The following MCF2L2 variants were observed in gnomAD, a reference collection of about 807,000 sequenced individuals.
MCF2L2 encodes the protein MCF.2 cell line derived transforming sequence-like 2.
MCF2L2 carries 102 observed loss-of-function variants against 150.2 expected under a neutral mutation model. That is an observed-to-expected ratio of 0.68 (90% CI 0.58 to 0.80). The LOEUF is 0.80. MCF2L2 is among the 30% of genes least tolerant of loss of function. The pLI is 0.00. For synonymous variants in MCF2L2, 465 were observed against 491.3 expected (o/e 0.95, Z 0.71); for missense variants, 1,256 against 1,372.8 (o/e 0.91, Z 1.34).
intron 22 of MCF2L2, among the ~76,000 whole-genome samples, chr3:183,214,973 C>T (rs193269999): frequency 4.7e-4 from 72 of 151,960 alleles, no homozygotes; most frequent in South Asian, 8.3e-4. Flanking sequence ...CCAGCCTGGG[C>T]GACAGAGCAA....
intron 5 of MCF2L2, among the ~76,000 whole-genome samples, chr3:183,326,511 AAAAAAC>A (rs1387454828): frequency 0.029 from 3,922 of 133,448 alleles, 217 homozygotes; most frequent in East Asian, 0.072. Context: ...AAAAAAAAAA[AAAAAAC>A]AAAAAAAAAC....
intron 2 of MCF2L2, among the ~76,000 whole-genome samples, chr3:183,381,027 G>GA (rs965576267): frequency 6.6e-6 from 1 of 152,110 alleles, no homozygotes; most frequent in Non-Finnish European, 1.5e-5. Context: ...GGGGGGCCAT[G>GA]AAAAAAAGAC....
At chr3:183,253,837 C>A (rs1440987178) in intron 15 of MCF2L2, 1 of 152,276 alleles carries the variant, frequency 6.6e-6, no homozygotes, top group Non-Finnish European at 1.5e-5. Flanking sequence ...TGGTCAGTTA[C>A]GTGGTGAAAA....
Position 183,380,031 on chromosome 3 carries a change from A to C in MCF2L2, c.161-620T>G, listed in dbSNP as rs549993535. Among the ~76,000 whole-genome samples the C allele has an allele frequency of 4.6e-5, 7 of 152,336 alleles. 2 individuals carry two copies. Among genetic ancestry groups the C allele is most frequent in the African/African-American group, 1.7e-4 (7 of 41,582 alleles). On this transcript the variant is annotated intron_variant, in intron 2 of 29. Coordinates refer to ENST00000328913, the MANE Select transcript of MCF2L2 (RefSeq NM_015078.4). ...CTTATTATATAAAACTGCTCAAAAAATGGTGACCATGATTATAATTATTAT... is the reference window on the plus strand; with the variant it reads ...CTTATTATATAAAACTGCTCAAAAACTGGTGACCATGATTATAATTATTAT...
intron 5 of MCF2L2, among the ~76,000 whole-genome samples, chr3:183,336,680 C>T (rs986728142): frequency 1.3e-5 from 2 of 150,784 alleles, no homozygotes; most frequent in Non-Finnish European, 3.0e-5. Flanking sequence ...GGTCTCGAAC[C>T]GCATCTCTAC....
At chr3:183,187,210 C>T (rs1721728625) in intron 27 of MCF2L2, among the ~76,000 whole-genome samples, 1 of 152,094 alleles carries the variant, frequency 6.6e-6, no homozygotes, top group African/African-American at 2.4e-5. Context: ...GGCAAAGAAA[C>T]AACCATGACG....
At chr3:183,277,812 G>C (rs1159595333) in intron 14 of MCF2L2, among the ~76,000 whole-genome samples, 3 of 151,072 alleles carry the variant, frequency 2.0e-5, no homozygotes, top group African/African-American at 2.4e-5. Flanking sequence ...TAGGATGTCA[G>C]TCCAATAAGA....
At chr3:183,257,911 C>T (rs184816909) in intron 15 of MCF2L2, among the ~76,000 whole-genome samples, 16 of 145,402 alleles carry the variant, frequency 1.1e-4, no homozygotes, top group Admixed American at 5.5e-4. Flanking sequence ...AAAATTCCTG[C>T]GTAGTCTCTC....
chr3:183,269,617 T>C, intron 15 of MCF2L2: 1 of 576,232 alleles, frequency 1.7e-6, no homozygotes, highest in East Asian at 3.1e-5. Context: ...TGTTCCATTC[T>C]TCCGCAATCT....
At chr3:183,243,647 A>G (rs1021225839) in intron 15 of MCF2L2, among the ~76,000 whole-genome samples, 15 of 152,170 alleles carry the variant, frequency 9.9e-5, no homozygotes, top group African/African-American at 3.6e-4. Flanking sequence ...TTGGTCCTCT[A>G]TATATGGTCA....
At chr3:183,222,150 G>A (rs902973769) in intron 20 of MCF2L2, among the ~76,000 whole-genome samples, 1 of 152,202 alleles carries the variant, frequency 6.6e-6, no homozygotes, top group Non-Finnish European at 1.5e-5. Context: ...CTACAGGTGT[G>A]TGTTATCATG....
intron 5 of MCF2L2, among the ~76,000 whole-genome samples, chr3:183,330,451 A>G (rs1456679889): frequency 6.6e-6 from 1 of 152,120 alleles, no homozygotes; most frequent in Non-Finnish European, 1.5e-5. Flanking sequence ...GCAAAAAGGC[A>G]AAACTATAAG....
chr3:183,230,985 T>C lies in MCF2L2; in HGVS notation c.1895A>G (p.Glu632Gly). 6.2e-7 allele frequency: 1 copy of C among 1,614,020 alleles called. No individual in the cohort carries two copies. The highest frequency in any genetic ancestry group is 1.1e-5 in the South Asian group (1 of 91,074). Reference sequence around the variant, plus strand: ...GCTTTTAATCTCTTTTATGTAAATCTCTTCAGTCTCAAGCAAGTCACGTAT... The same window carrying C: ...GCTTTTAATCTCTTTTATGTAAATCCCTTCAGTCTCAAGCAAGTCACGTAT... Reference protein sequence around the residue: ...RIIRDLLETEEIYIKEIKSII... With the variant: ...RIIRDLLETEGIYIKEIKSII... Residue 632 changes from glutamate (E) to glycine (G), a missense_variant, in exon 16 of 30, where the codon GAG becomes GGG. Transcript: ENST00000328913.
At chr3:183,252,075 G>A (rs982330618) in intron 15 of MCF2L2, among the ~76,000 whole-genome samples, 36 of 150,380 alleles carry the variant, frequency 2.4e-4, no homozygotes, top group Non-Finnish European at 7.4e-5. Context: ...TTTCTCGTGG[G>A]TACAGTTCTA....
chr3:183,206,009 GT>G, intron 24 of MCF2L2, 55 bp from the exon 25 acceptor site: 2 of 1,563,608 alleles, frequency 1.3e-6, no homozygotes, highest in Non-Finnish European at 1.8e-6. Context: ...TAATTGCAGA[GT>G]TTTTATTCTC....
chr3:183,182,396 T>TA (rs771405167), intron 27 of MCF2L2: 1 of 152,210 alleles, frequency 6.6e-6, no homozygotes, highest in Non-Finnish European at 1.5e-5. Flanking sequence ...CCATACACCT[T>TA]AGAGTGCAAC....
chr3:183,339,787 T>C (rs1053351897), intron 4 of MCF2L2, among the ~76,000 whole-genome samples: 4 of 152,130 alleles, frequency 2.6e-5, no homozygotes, highest in African/African-American at 9.7e-5. Flanking sequence ...ATCAGGTCTT[T>C]ACTCCAGACT....
At chr3:183,212,433 C>T (rs986829855) in intron 22 of MCF2L2, among the ~76,000 whole-genome samples, 4 of 152,110 alleles carry the variant, frequency 2.6e-5, no homozygotes, top group African/African-American at 4.8e-5. Flanking sequence ...AATGAGCGAG[C>T]GATAAGTTAG....
chr3:183,366,645 C>CA (rs1210292354), intron 3 of MCF2L2, among the ~76,000 whole-genome samples: 94 of 140,140 alleles, frequency 6.7e-4, no homozygotes, highest in Middle Eastern at 3.6e-3. Context: ...GACTCCGTCT[C>CA]AAAAAAAAAA....
Sources: allele counts gnomAD v4.1 joint callset (sites outside exome capture counted in the v4.1 genomes callset), GRCh38; gene constraint gnomAD v4.1.1; transcripts MANE v1.5; gene names NCBI Gene and HGNC (gene_info 2026-07-23, HGNC 2026-07-21).